CADPS: variants seen among roughly 807,000 people sequenced by gnomAD.
CADPS encodes calcium dependent secretion activator, also known as calcium-dependent secretion activator 1.
A neutral mutation model predicts 167.3 loss-of-function variants in CADPS; 57 were observed. The ratio of observed to expected loss-of-function variants is 0.34; its 90% CI spans 0.28 to 0.42. The LOEUF is 0.42. Among genes scored for constraint, CADPS ranks in the 20% least tolerant of loss-of-function variants. CADPS has a pLI of 1.00. For synonymous variants in CADPS, 676 were observed against 635.3 expected, an observed-to-expected ratio of 1.06 and a Z score of -0.96; for missense variants, 1,414 against 1,738.1, an observed-to-expected ratio of 0.81 and a Z score of 3.32.
In CADPS at chr3:62,544,685, T is replaced by C. The variant is rs570195653; in HGVS notation, c.1966+5218A>G. On this transcript the variant is annotated intron_variant, in intron 11 of 29. Transcript: ENST00000383710. This position sits in a 1 kb window ranked among gnomAD's most constrained non-coding sequence, Gnocchi z 4.4. ...CACATCACATGCATCCTAGTTTCAG[T>C]ATGGAAGCTTACATTTCAAACCTAA... Among the ~76,000 whole-genome samples the C allele has an allele frequency of 6.6e-6, 1 of 152,168 alleles. No individual in the cohort carries two copies. The highest frequency in any genetic ancestry group is 1.9e-4 in the East Asian group (1 of 5,166).
At chr3:62,741,266 T>G (rs141705740) in intron 3 of CADPS, among the ~76,000 whole-genome samples, 1 of 152,212 alleles carries the variant, frequency 6.6e-6, no homozygotes, top group East Asian at 1.9e-4. Flanking sequence ...CCTGCCTAAC[T>G]GATTTTATAA....
chr3:62,445,364 T>G (rs1289377285), intron 27 of CADPS, among the ~76,000 whole-genome samples: 1 of 152,182 alleles, frequency 6.6e-6, no homozygotes, highest in Non-Finnish European at 1.5e-5. Context: ...CACAATTAAG[T>G]TTTTCATCAA....
chr3:62,570,417 T>A (rs1172239170), intron 9 of CADPS, among the ~76,000 whole-genome samples: 7 of 152,122 alleles, frequency 4.6e-5, no homozygotes, highest in Admixed American at 4.6e-4. Flanking sequence ...CCAACTAAAT[T>A]CTGACTTTAC....
At chr3:62,503,035 A>C (rs955620350) in intron 17 of CADPS, among the ~76,000 whole-genome samples, 1 of 151,982 alleles carries the variant, frequency 6.6e-6, no homozygotes, top group African/African-American at 2.4e-5. Flanking sequence ...AAGGACTCTT[A>C]CCAGTGTCAC....
rs1321394869 is a variant in CADPS, at chr3:62,682,389, A to G, written c.889-19995T>C. 3.9e-5 allele frequency among the ~76,000 whole-genome samples: 6 copies of G among 152,098 alleles called. No homozygotes were observed. The South Asian group carries it at 8.3e-4, about 21-fold the overall frequency. On this transcript the variant is annotated intron_variant, in intron 3 of 29. Transcript: ENST00000383710. Reference sequence around the variant, plus strand: ...TTGGGAGTTCTTGCAAGGAAGCCCAAAAAGCACTAGAGATGCTAACTACTC... The same window carrying G: ...TTGGGAGTTCTTGCAAGGAAGCCCAGAAAGCACTAGAGATGCTAACTACTC...
intron 17 of CADPS, among the ~76,000 whole-genome samples, chr3:62,503,238 G>C (rs1050713944): frequency 1.3e-5 from 2 of 152,226 alleles, no homozygotes; most frequent in South Asian, 4.1e-4. Flanking sequence ...AATAGGACTT[G>C]ATATATTAAT....
rs867708415 is a variant in CADPS, at chr3:62,716,735, T to C, written c.888+36706A>G. ...TGAAGAGTATATCGGTCCTCCATCA[T>C]CTGCTCATTGTGACTAACGCCTATC... is the stretch of plus-strand genomic sequence containing the variant. On this transcript the variant is annotated intron_variant, in intron 3 of 29. Coordinates refer to ENST00000383710, the MANE Select transcript of CADPS (RefSeq NM_003716.4). Among the ~76,000 whole-genome samples, 6 of 152,242 alleles carry C rather than the reference T, an allele frequency of 3.9e-5. No homozygotes were observed. In the South Asian group the frequency reaches 1.2e-3, roughly 31 times the overall value.
At chr3:62,726,890 T>G (rs509293) in intron 3 of CADPS, among the ~76,000 whole-genome samples, 37,861 of 151,336 alleles carry the variant, frequency 0.25, 5,613 homozygotes, top group African/African-American at 0.39. Context: ...CATTTGGGAG[T>G]TACATGGACT....
At position 62,677,989 on chromosome 3, in the gene CADPS, G is replaced by C. The variant is rs139935718; in HGVS notation, c.889-15595C>G. Among the ~76,000 whole-genome samples, 235 of 152,088 alleles carry C rather than the reference G, an allele frequency of 1.5e-3. 1 individual carries two copies. Among genetic ancestry groups the C allele is most frequent in the African/African-American group, 5.4e-3 (223 of 41,488 alleles). ...ATCTTACACAGGGGTTAAACAACTG[G>C]GGTCTTGCTGACCCCTGTGTTGTAT... On this transcript the variant is annotated intron_variant, in intron 3 of 29. Transcript: ENST00000383710.
intron 3 of CADPS, among the ~76,000 whole-genome samples, chr3:62,705,760 C>T (rs2082201354): frequency 1.3e-5 from 2 of 152,054 alleles, no homozygotes; most frequent in South Asian, 4.2e-4. Context: ...GGGACCTCAC[C>T]TTTGTGATTG....
At chr3:62,781,346 A>G (rs188869302) in intron 1 of CADPS, among the ~76,000 whole-genome samples, 217 of 152,302 alleles carry the variant, frequency 1.4e-3, no homozygotes, top group African/African-American at 5.0e-3. Flanking sequence ...GTCAGAATGC[A>G]TACTCCATGG....
At chr3:62,733,818 T>A (rs1480139930) in intron 3 of CADPS, among the ~76,000 whole-genome samples, 4 of 152,160 alleles carry the variant, frequency 2.6e-5, no homozygotes, top group African/African-American at 7.2e-5. Context: ...ATACCCAATA[T>A]GTAGTCTTTG....
intron 6 of CADPS, among the ~76,000 whole-genome samples, chr3:62,637,812 G>A (rs2066599175): frequency 6.6e-6 from 1 of 151,978 alleles, no homozygotes; most frequent in Non-Finnish European, 1.5e-5. Context: ...CACCTCTCTG[G>A]ATTTCAATAT....
At chr3:62,484,333 TAC>T (rs1228042860) in intron 21 of CADPS, among the ~76,000 whole-genome samples, 3 of 152,290 alleles carry the variant, frequency 2.0e-5, no homozygotes, top group Non-Finnish European at 4.4e-5. Context: ...TTTACTAATA[TAC>T]ATGTGAAAAG....
At chr3:62,539,947 C>A (rs2075408498) in intron 11 of CADPS, among the ~76,000 whole-genome samples, 1 of 152,058 alleles carries the variant, frequency 6.6e-6, no homozygotes, top group South Asian at 2.1e-4. Context: ...CCTCCTTGGC[C>A]TCATTTGTAA....
intron 6 of CADPS, among the ~76,000 whole-genome samples, chr3:62,633,794 T>TA (rs1296004479): frequency 2.0e-5 from 3 of 152,154 alleles, no homozygotes; most frequent in African/African-American, 7.2e-5. Flanking sequence ...GGCTGAGGAT[T>TA]AAAAATGAAC....
intron 1 of CADPS, among the ~76,000 whole-genome samples, chr3:62,822,289 C>T (rs2073116297): frequency 6.6e-6 from 1 of 152,154 alleles, no homozygotes; most frequent in Admixed American, 6.5e-5. Flanking sequence ...CCACATCACC[C>T]TTGATCTTTT....
At chr3:62,702,857 G>A (rs1400329595) in intron 3 of CADPS, among the ~76,000 whole-genome samples, 2 of 152,110 alleles carry the variant, frequency 1.3e-5, no homozygotes, top group African/African-American at 2.4e-5. Context: ...CTATAGTTAA[G>A]CACTTTACAT....
intron 3 of CADPS, among the ~76,000 whole-genome samples, chr3:62,691,884 C>T (rs1464445476): frequency 6.6e-6 from 1 of 151,910 alleles, no homozygotes; most frequent in Non-Finnish European, 1.5e-5. Flanking sequence ...CACACATTTA[C>T]CTGTGGAACA....
Sources: allele counts gnomAD v4.1 joint callset (sites outside exome capture counted in the v4.1 genomes callset), GRCh38; gene constraint gnomAD v4.1.1; non-coding constraint Gnocchi (gnomAD v3.1); transcripts MANE v1.5; gene names NCBI Gene and HGNC (gene_info 2026-07-23, HGNC 2026-07-21).